The following ABLIM1 variants were observed in gnomAD, a reference collection of about 807,000 sequenced individuals.
ABLIM1 encodes actin binding LIM protein 1.
ABLIM1 carries 40 observed loss-of-function variants against 107.0 expected under a neutral mutation model. The observed-to-expected ratio is 0.37, with a 90% CI of 0.29 to 0.49. The LOEUF (loss-of-function observed/expected upper bound fraction) is 0.49, where lower values mean the gene tolerates loss of function less well. Ranked by LOEUF, ABLIM1 falls within the 20% of genes least tolerant of loss-of-function variation. The pLI is 0.97. For synonymous variants in ABLIM1, 357 were observed against 357.3 expected (o/e 1.00, Z 0.01); for missense variants, 857 against 1,008.5 (o/e 0.85, Z 2.04).
chr10:114,555,966 T>C (rs1245164804), intron 4 of ABLIM1, among the ~76,000 whole-genome samples: 1 of 152,184 alleles, frequency 6.6e-6, no homozygotes, highest in East Asian at 1.9e-4. Flanking sequence ...TTTAGGTTGT[T>C]ATTAATAGAA....
chr10:114,556,104 G>A (rs909822713), intron 4 of ABLIM1, among the ~76,000 whole-genome samples: 3 of 152,072 alleles, frequency 2.0e-5, no homozygotes, highest in South Asian at 2.1e-4. Flanking sequence ...TAAGTTCTAG[G>A]GTTTGGGTAA....
At chr10:114,562,494 A>C (rs541589653) in intron 4 of ABLIM1, among the ~76,000 whole-genome samples, 5 of 152,234 alleles carry the variant, frequency 3.3e-5, no homozygotes, top group Non-Finnish European at 7.3e-5. Flanking sequence ...GCGCCACTGC[A>C]GTCCACCTTG....
intron 1 of ABLIM1, among the ~76,000 whole-genome samples, chr10:114,674,145 C>A (rs1371220512): frequency 1.3e-5 from 2 of 151,926 alleles, no homozygotes; most frequent in Admixed American, 6.6e-5. Flanking sequence ...CAAAAATCAG[C>A]CAGGTGTGGT....
intron 1 of ABLIM1, among the ~76,000 whole-genome samples, chr10:114,671,677 T>G (rs1200614173): frequency 1.3e-5 from 2 of 152,234 alleles, no homozygotes. Context: ...ATATAAAAGT[T>G]TGTAAATAAA....
chr10:114,530,768 A>AGCCT (rs1361874496), intron 6 of ABLIM1, among the ~76,000 whole-genome samples: 1 of 152,226 alleles, frequency 6.6e-6, no homozygotes, highest in Non-Finnish European at 1.5e-5. Context: ...TTCTGAACTT[A>AGCCT]GGTGATATGC....
chr10:114,665,033 C>T (rs917499752), intron 1 of ABLIM1, among the ~76,000 whole-genome samples: 2 of 151,452 alleles, frequency 1.3e-5, no homozygotes, highest in Non-Finnish European at 2.9e-5. Flanking sequence ...AGGAGAATGG[C>T]GTGAACCCGG....
At chr10:114,488,948 A>G (rs1306001638) in intron 7 of ABLIM1, among the ~76,000 whole-genome samples, 3 of 152,254 alleles carry the variant, frequency 2.0e-5, no homozygotes, top group African/African-American at 7.2e-5. Context: ...TGTTGAAAGC[A>G]TAAATTACAT....
the ABLIM1 span, among the ~76,000 whole-genome samples, chr10:114,784,930 C>A: frequency 6.6e-6 from 1 of 151,230 alleles, no homozygotes; most frequent in Non-Finnish European, 1.5e-5. Flanking sequence ...TCTATTTACC[C>A]TTTTCTGTGT....
intron 6 of ABLIM1, among the ~76,000 whole-genome samples, chr10:114,528,317 G>A (rs949997431): frequency 2.6e-5 from 4 of 152,064 alleles, no homozygotes; most frequent in Non-Finnish European, 4.4e-5. Flanking sequence ...AAATTTTTTA[G>A]GGAGATTATT....
intron 6 of ABLIM1, among the ~76,000 whole-genome samples, chr10:114,540,731 C>T (rs932342829): frequency 2.0e-5 from 3 of 152,142 alleles, no homozygotes; most frequent in African/African-American, 7.2e-5. Context: ...CTGGTGACAC[C>T]ACACCTAGAG....
chr10:114,784,254 A>G, the ABLIM1 span, among the ~76,000 whole-genome samples: 8 of 151,522 alleles, frequency 5.3e-5, 1 homozygote, highest in South Asian at 1.7e-3. Context: ...GCTGAGGCAG[A>G]AGAATTGCTT....
At chr10:114,798,643 G>A in the ABLIM1 span, among the ~76,000 whole-genome samples, 12 of 151,412 alleles carry the variant, frequency 7.9e-5, no homozygotes, top group Admixed American at 2.0e-4. Context: ...TTGGGAAGCC[G>A]AGGTGGGAGG....
intron 10 of ABLIM1, among the ~76,000 whole-genome samples, chr10:114,468,691 C>T (rs2065782457): frequency 6.6e-6 from 1 of 152,156 alleles, no homozygotes; most frequent in South Asian, 2.1e-4. Context: ...AATGCATCTG[C>T]CATGGGGCTC....
At position 114,679,769 on chromosome 10, in the gene ABLIM1, C is replaced by A. The variant is rs1026854225; in HGVS notation, c.64+4521G>T. 6.6e-5 allele frequency among the ~76,000 whole-genome samples: 10 copies of A among 152,116 alleles called. No individual in the cohort carries two copies. In the East Asian group the frequency reaches 1.9e-3, roughly 29 times the overall value. Reference sequence around the variant, plus strand: ...GGAACAGAAATGCCCCAGTTTTCGTCATCCTAAGAAGTCAGGCCAGAAAAA... The same window carrying A: ...GGAACAGAAATGCCCCAGTTTTCGTAATCCTAAGAAGTCAGGCCAGAAAAA... On this transcript the variant is annotated intron_variant, in intron 1 of 23. Transcript: ENST00000369256.
chr10:114,634,173 C>T (rs1391471206), intron 1 of ABLIM1, among the ~76,000 whole-genome samples: 3 of 104,136 alleles, frequency 2.9e-5, no homozygotes, highest in Non-Finnish European at 5.4e-5. Flanking sequence ...TGCTCTGTCG[C>T]CCAGGCTGGA....
chr10:114,546,204 C>T (rs1264514149), intron 5 of ABLIM1, among the ~76,000 whole-genome samples: 3 of 152,026 alleles, frequency 2.0e-5, no homozygotes, highest in African/African-American at 7.2e-5. Flanking sequence ...TACCCACCCC[C>T]GCATAGCTTG....
intron 4 of ABLIM1, among the ~76,000 whole-genome samples, chr10:114,562,451 T>C (rs1043310164): frequency 6.6e-6 from 1 of 152,026 alleles, no homozygotes. Context: ...ATGGTGTGAA[T>C]CCAGGAGGCG....
At chr10:114,551,708 C>T (rs1233957603) in intron 4 of ABLIM1, among the ~76,000 whole-genome samples, 2 of 152,194 alleles carry the variant, frequency 1.3e-5, no homozygotes, top group Non-Finnish European at 2.9e-5. Flanking sequence ...AGTCTCTAGA[C>T]CCTATTTTCC....
At chr10:114,633,974 G>A (rs1044049838) in intron 1 of ABLIM1, among the ~76,000 whole-genome samples, 1 of 151,758 alleles carries the variant, frequency 6.6e-6, no homozygotes, top group Non-Finnish European at 1.5e-5. Flanking sequence ...TAAGGAAGCA[G>A]CTTTCTTTCT....
Sources: allele counts gnomAD v4.1 joint callset (sites outside exome capture counted in the v4.1 genomes callset), GRCh38; gene constraint gnomAD v4.1.1; transcripts MANE v1.5; gene names NCBI Gene and HGNC (gene_info 2026-07-23, HGNC 2026-07-21).